VPS11: variants seen among roughly 807,000 people sequenced by gnomAD.
VPS11 encodes VPS11 core subunit of CORVET and HOPS complexes, also known as vacuolar protein sorting-associated protein 11 homolog.
A neutral mutation model predicts 106.8 loss-of-function variants in VPS11; 51 were observed. The ratio of observed to expected loss-of-function variants is 0.48; its 90% CI spans 0.38 to 0.60. The LOEUF (loss-of-function observed/expected upper bound fraction) is 0.60. VPS11 is among the 20% of genes least tolerant of loss of function. VPS11 has a pLI of 0.00. For missense variants in VPS11, 950 were observed against 1,190.0 expected (o/e 0.80, Z 2.97); for synonymous variants, 453 against 458.7 (o/e 0.99, Z 0.16).
chr11:119,077,414 T>C (rs528836821), intron 8 of VPS11, 87 bp from the exon 9 acceptor site: 29 of 1,506,822 alleles, frequency 1.9e-5, no homozygotes, highest in Non-Finnish European at 2.5e-5. Flanking sequence ...TGATATCACC[T>C]TAGGAATCTG....
chr11:119,079,602 ACAGGAT>A (rs1945772913), intron 14 of VPS11, among the ~76,000 whole-genome samples: 1 of 152,030 alleles, frequency 6.6e-6, no homozygotes, highest in African/African-American at 2.4e-5. Flanking sequence ...CTTTTTTGAG[ACAGGAT>A]CTTGTCACTG....
At chr11:119,077,184 G>C in intron 8 of VPS11, 101 bp downstream of exon 8, 2 of 1,412,466 alleles carry the variant, frequency 1.4e-6, no homozygotes, top group Admixed American at 2.2e-5. Flanking sequence ...GAGAGGAAAG[G>C]GCTGACCTTA....
In VPS11 at chr11:119,076,925, G is replaced by A. The variant is rs1452773186; in HGVS notation, c.1267G>A (p.Val423Met). ...CATTGGAAAGTTGGAGCCATCCTAC[G>A]TGATCCGCAAGTTTCTGGATGCCCA... is the stretch of plus-strand genomic sequence containing the variant. Reference protein sequence around the residue: ...RTIGKLEPSYVIRKFLDAQRI... With the variant: ...RTIGKLEPSYMIRKFLDAQRI... The change falls in exon 8 of 16, where the codon GTG (valine) becomes ATG (methionine). Residue 423 changes from valine (V) to methionine (M), a missense_variant. By Grantham distance (21) the Val-to-Met change is conservative. Coordinates refer to ENST00000621676, the MANE Select transcript of VPS11 (RefSeq NM_021729.6). 1.2e-6 allele frequency: 2 copies of A among 1,613,882 alleles called. No homozygotes were observed. Among genetic ancestry groups the A allele is most frequent in the Non-Finnish European group, 1.7e-6 (2 of 1,179,894 alleles).
At chr11:119,075,604 C>T (rs1157478417) in intron 7 of VPS11, among the ~76,000 whole-genome samples, 1 of 150,324 alleles carries the variant, frequency 6.7e-6, no homozygotes, top group Non-Finnish European at 1.5e-5. Flanking sequence ...GTAATCTCAG[C>T]ACTTTGGGAG....
intron 6 of VPS11, 151 bp from the exon 7 acceptor site, chr11:119,073,649 A>G (rs1658510010): frequency 3.2e-6 from 3 of 934,240 alleles, no homozygotes; most frequent in Non-Finnish European, 3.1e-6. Context: ...GATGATACTG[A>G]TCTTGGGGAT....
rs782429563 is a variant in VPS11 at position 119,076,931 on chromosome 11, C to T, written c.1273C>T (p.Arg425Cys). Reference protein sequence around the residue: ...IGKLEPSYVIRKFLDAQRIHN... With the variant: ...IGKLEPSYVICKFLDAQRIHN... The stretch of plus-strand genomic sequence containing the variant: ...AAAGTTGGAGCCATCCTACGTGATC[C>T]GCAAGTTTCTGGATGCCCAGCGCAT... The change falls in exon 8 of 16, where the codon CGC (arginine) becomes TGC (cysteine). Residue 425 changes from arginine (R) to cysteine (C), a missense_variant. Arg to Cys is a radical substitution (Grantham distance 180). Coordinates refer to ENST00000621676, the MANE Select transcript of VPS11 (RefSeq NM_021729.6). 1.4e-5 allele frequency: 23 copies of T among 1,613,822 alleles called. No homozygotes were observed. Among genetic ancestry groups the T allele is most frequent in the African/African-American group, 1.1e-4 (8 of 74,900 alleles).
chr11:119,072,028 G>A (rs905193067), intron 5 of VPS11, 185 bp downstream of exon 5: 36 of 725,284 alleles, frequency 5.0e-5, no homozygotes, highest in Middle Eastern at 4.3e-4. Flanking sequence ...GTGCAGTGGC[G>A]TGATCTCGGC....
intron 5 of VPS11, chr11:119,072,060 G>T: frequency 2.0e-6 from 1 of 503,292 alleles, no homozygotes; most frequent in Non-Finnish European, 3.5e-6. Flanking sequence ...TCGCCTCCTG[G>T]GTTCCAGTGA....
At position 119,081,118 on chromosome 11, in the gene VPS11, G is replaced by A; in HGVS notation, c.2465G>A (p.Cys822Tyr). 1 of 1,614,016 alleles carries A rather than the reference G, an allele frequency of 6.2e-7. No individual in the cohort carries two copies. The highest frequency in any genetic ancestry group is 8.5e-7 in the Non-Finnish European group (1 of 1,179,884). The part of the protein sequence containing the change: ...ASPKIFQKTK[C>Y]SICNSALELP... The stretch of plus-strand genomic sequence containing the variant: ...CCTAAGATTTTCCAAAAGACCAAGT[G>A]CAGCATCTGTAACAGTGCCTTGGAG... The change falls in exon 15 of 16, where the codon TGC becomes TAC. Residue 822 changes from cysteine to tyrosine, a missense_variant. Transcript: ENST00000621676.
chr11:119,080,150 C>T (rs1451937155), intron 14 of VPS11, among the ~76,000 whole-genome samples: 1 of 152,160 alleles, frequency 6.6e-6, no homozygotes, highest in Non-Finnish European at 1.5e-5. Context: ...CCTTTACCTC[C>T]TGGGTTCAAG....
chr11:119,078,959 A>C lies in VPS11; in HGVS notation c.2228A>C (p.Lys743Thr), dbSNP rs1945745675. The C allele has an allele frequency of 1.2e-6, 2 of 1,613,940 alleles. No homozygotes were observed. The highest frequency in any genetic ancestry group is 1.1e-5 in the South Asian group (1 of 91,088). The part of the protein sequence containing the change: ...DCKEYVAAVL[K>T]HIENKNLMPP... ...AAGGAGTATGTGGCAGCTGTCCTCA[A>C]GCATATCGAGAACAAGAACCTCATG... The change falls in exon 13 of 16, where the codon AAG becomes ACG. Residue 743 changes from lysine to threonine, a missense_variant. Transcript: ENST00000621676.
intron 4 of VPS11, 45 bp from the exon 5 acceptor site, chr11:119,071,551 T>C (rs1404431834): frequency 6.2e-7 from 1 of 1,602,550 alleles, no homozygotes; most frequent in South Asian, 1.1e-5. Context: ...GGCTTAGAGT[T>C]ACCTCCTCAA....
intron 1 of VPS11, among the ~76,000 whole-genome samples, chr11:119,068,412 A>G (rs1031123462): frequency 4.2e-5 from 6 of 143,800 alleles, no homozygotes; most frequent in African/African-American, 1.3e-4. Context: ...TTTCATCTTC[A>G]TGTTGCTGCT....
At chr11:119,078,372 C>T (rs782164423) in intron 11 of VPS11, 38 bp downstream of exon 11, 9 of 1,599,720 alleles carry the variant, frequency 5.6e-6, no homozygotes, top group Non-Finnish European at 6.8e-6. Flanking sequence ...AAAGACAGTT[C>T]GTGCCGTCTC....
chr11:119,074,910 C>T (rs572296213), intron 7 of VPS11, among the ~76,000 whole-genome samples: 1 of 152,294 alleles, frequency 6.6e-6, no homozygotes, highest in Admixed American at 6.5e-5. Flanking sequence ...TCTCTTGCTT[C>T]CATAATTCCT....
chr11:119,080,003 C>A (rs955292412), intron 14 of VPS11, among the ~76,000 whole-genome samples: 4 of 152,182 alleles, frequency 2.6e-5, no homozygotes, highest in Admixed American at 1.3e-4. Flanking sequence ...GGCAAAAAGC[C>A]TTCATGGAGC....
In VPS11 at chr11:119,078,556, C is replaced by T. The variant is rs782269376; in HGVS notation, c.1924-9C>T. On this transcript the variant is annotated splice_polypyrimidine_tract_variant and intron_variant, in intron 11 of 15. Transcript: ENST00000621676. Reference sequence around the variant, plus strand: ...TTTGTCCAGCAGCTCTGCCCTCCTTCCTCTCCAGGTCAAAGAGAAGCTTCA... The same window carrying T: ...TTTGTCCAGCAGCTCTGCCCTCCTTTCTCTCCAGGTCAAAGAGAAGCTTCA... 1 of 1,606,592 alleles carries T rather than the reference C, an allele frequency of 6.2e-7. No homozygotes were observed. Among genetic ancestry groups the T allele is most frequent in the South Asian group, 1.1e-5 (1 of 90,992 alleles).
chr11:119,081,049 G>C, intron 14 of VPS11, 43 bp from the exon 15 acceptor site: 1 of 1,570,752 alleles, frequency 6.4e-7, no homozygotes, highest in Non-Finnish European at 8.8e-7. Context: ...TCCTGGCCTT[G>C]CCCTCACTTT....
rs1328754987 is a variant in VPS11, at chr11:119,071,638, G to A, written c.679G>A (p.Asp227Asn). ...AAAAGACTACCCTCGCGTGGAGTTGGACACCCATGGTTGTGGCCTGCGCTG... is the reference window on the plus strand; with the variant it reads ...AAAAGACTACCCTCGCGTGGAGTTGAACACCCATGGTTGTGGCCTGCGCTG... ...SGKDYPRVEL[D>N]THGCGLRCSA... is the part of the protein sequence containing the mutation. Residue 227 changes from aspartate to asparagine, a missense_variant, in exon 5 of 16, where the codon GAC becomes AAC. By Grantham distance (23) the Asp-to-Asn change is conservative (BLOSUM62 1). Around this residue, in one of 3 missense-constraint regions of VPS11, gnomAD observed 435 missense variants for 630.2 expected, o/e 0.69. Transcript: ENST00000621676. 6.2e-7 allele frequency: 1 copy of A among 1,614,012 alleles called. No individual in the cohort carries two copies.
Sources: gnomAD v4.1 joint callset for allele counts (sites outside exome capture counted in the v4.1 genomes callset) on GRCh38, gnomAD v4.1.1 for gene constraint, gnomAD v4.1.1 regional missense constraint, MANE v1.5 for transcripts, NCBI Gene and HGNC (gene_info 2026-07-23, HGNC 2026-07-21) for gene names.